Variants in PDE1C observed in about 807,000 individuals in gnomAD.
PDE1C encodes phosphodiesterase 1C.
In PDE1C, 62 loss-of-function variants were observed where a neutral mutation model predicts 93.1. The observed-to-expected ratio is 0.67, with a 90% CI of 0.54 to 0.82. PDE1C has a LOEUF of 0.82. PDE1C is among the 40% of genes least tolerant of loss of function. The pLI, the probability that PDE1C is intolerant of heterozygous loss-of-function variation, is 0.00. For missense variants in PDE1C, 742 were observed against 884.6 expected (o/e 0.84, Z 2.04); for synonymous variants, 325 against 310.1 (o/e 1.05, Z -0.50).
chr7:32,117,756 C>T (rs1018491660), intron 3 of PDE1C, among the ~76,000 whole-genome samples: 1 of 152,184 alleles, frequency 6.6e-6, no homozygotes, highest in Non-Finnish European at 1.5e-5. Flanking sequence ...AAATCTACTG[C>T]TCACTTTTCT....
intron 2 of PDE1C, among the ~76,000 whole-genome samples, chr7:31,920,323 C>T (rs1255874463): frequency 6.6e-6 from 1 of 152,088 alleles, no homozygotes; most frequent in Admixed American, 6.5e-5. Flanking sequence ...CTCTTTTTCC[C>T]CTCCCCCTAA....
chr7:32,373,952 G>T (rs755886750), intron 1 of PDE1C, among the ~76,000 whole-genome samples: 2 of 151,766 alleles, frequency 1.3e-5, no homozygotes, highest in African/African-American at 4.8e-5. Context: ...AGCCAAGATC[G>T]CGCCACTGCA....
At chr7:31,964,322 C>T (rs918890167) in intron 2 of PDE1C, among the ~76,000 whole-genome samples, 1 of 152,220 alleles carries the variant, frequency 6.6e-6, no homozygotes, top group East Asian at 1.9e-4. Context: ...CCACACCTGG[C>T]TTGGAGGGTC....
chr7:32,239,928 G>A (rs571506030), intron 1 of PDE1C, among the ~76,000 whole-genome samples: 2 of 152,342 alleles, frequency 1.3e-5, no homozygotes, highest in South Asian at 2.1e-4. Context: ...TTAAGAGCCA[G>A]CATGCAATTC....
At chr7:31,872,468 T>C (rs1159031042) in intron 6 of PDE1C, among the ~76,000 whole-genome samples, 3 of 152,140 alleles carry the variant, frequency 2.0e-5, no homozygotes, top group Non-Finnish European at 2.9e-5. Flanking sequence ...ACATAGTCTA[T>C]GCGTGTAACA....
Position 32,366,434 on chromosome 7 carries a change from G to A in PDE1C, c.310+61388C>T, listed in dbSNP as rs117030147. Among the ~76,000 whole-genome samples the A allele has an allele frequency of 4.5e-3, 681 of 152,144 alleles. 2 individuals carry two copies. Among genetic ancestry groups the A allele is most frequent in the Non-Finnish European group, 7.6e-3 (515 of 68,008 alleles). On this transcript the variant is annotated intron_variant, in intron 1 of 1. Coordinates refer to the PDE1C transcript ENST00000672256. ...TACGAGATTTATGGAACACAATTAA[G>A]TGAACAAATATTCACATTATACATA...
At chr7:31,639,531 T>TG in the PDE1C span, among the ~76,000 whole-genome samples, 26 of 23,916 alleles carry the variant, frequency 1.1e-3, no homozygotes, top group South Asian at 0.024. Context: ...TTTGTTTGTT[T>TG]GTTTTTGTTT....
chr7:31,738,943 G>A, the PDE1C span, among the ~76,000 whole-genome samples: 15 of 152,074 alleles, frequency 9.9e-5, no homozygotes, highest in Admixed American at 5.2e-4. Context: ...GCTCAGGACG[G>A]GTTTGTTCTC....
intron 1 of PDE1C, among the ~76,000 whole-genome samples, chr7:32,407,645 C>T (rs138328376): frequency 6.7e-4 from 102 of 152,276 alleles, no homozygotes; most frequent in African/African-American, 2.4e-3. Context: ...GATCCTACTA[C>T]GTACATTTCT....
At chr7:32,110,610 T>C (rs991980235) in intron 3 of PDE1C, among the ~76,000 whole-genome samples, 1 of 152,190 alleles carries the variant, frequency 6.6e-6, no homozygotes, top group Non-Finnish European at 1.5e-5. Flanking sequence ...TTTCAGAGAC[T>C]TCCCTCTGAT....
intron 2 of PDE1C, among the ~76,000 whole-genome samples, chr7:32,187,111 T>C (rs1431230384): frequency 6.6e-6 from 1 of 152,160 alleles, no homozygotes; most frequent in Non-Finnish European, 1.5e-5. Flanking sequence ...GAAACTATTA[T>C]AATTTTCTTT....
chr7:31,774,537 T>C (rs551963935), intron 17 of PDE1C, among the ~76,000 whole-genome samples: 1 of 152,310 alleles, frequency 6.6e-6, no homozygotes, highest in African/African-American at 2.4e-5. Context: ...GTGGAATCTA[T>C]GGTAAATCCG....
chr7:32,311,886 T>C, intron 1 of PDE1C, among the ~76,000 whole-genome samples: 1 of 152,128 alleles, frequency 6.6e-6, no homozygotes, highest in Admixed American at 6.6e-5. Flanking sequence ...TTCAACATAG[T>C]GTTGGAAGTT....
At chr7:31,632,184 C>T in the PDE1C span, among the ~76,000 whole-genome samples, 1 of 152,174 alleles carries the variant, frequency 6.6e-6, no homozygotes, top group Non-Finnish European at 1.5e-5. Flanking sequence ...CGTGGTGGCT[C>T]ACACCTGTAA....
At chr7:31,814,914 T>C (rs1788037058) in intron 15 of PDE1C, among the ~76,000 whole-genome samples, 1 of 151,744 alleles carries the variant, frequency 6.6e-6, no homozygotes, top group Non-Finnish European at 1.5e-5. Context: ...GACTGCTAAA[T>C]TACCTTGCTA....
chr7:31,839,957 A>C (rs533421823), intron 9 of PDE1C, among the ~76,000 whole-genome samples: 14 of 152,152 alleles, frequency 9.2e-5, no homozygotes, highest in Non-Finnish European at 2.1e-4. Flanking sequence ...GAATTGCTTG[A>C]ACCTAGGAGG....
At chr7:31,943,893 T>C (rs1806198069) in intron 2 of PDE1C, among the ~76,000 whole-genome samples, 1 of 152,166 alleles carries the variant, frequency 6.6e-6, no homozygotes, top group African/African-American at 2.4e-5. Context: ...AACATATTAA[T>C]AGCTAGATGT....
chr7:32,143,297 A>C (rs779514750), intron 3 of PDE1C, among the ~76,000 whole-genome samples: 12 of 150,546 alleles, frequency 8.0e-5, no homozygotes, highest in Non-Finnish European at 1.5e-4. Flanking sequence ...GAACTATAAG[A>C]TCATTCTGAT....
chr7:32,238,230 C>A (rs1487342099), intron 1 of PDE1C, among the ~76,000 whole-genome samples: 1 of 152,168 alleles, frequency 6.6e-6, no homozygotes, highest in African/African-American at 2.4e-5. Context: ...TATAACTTTT[C>A]AAATGACATC....
Sources: gnomAD v4.1 joint callset for allele counts (sites outside exome capture counted in the v4.1 genomes callset) on GRCh38, gnomAD v4.1.1 for gene constraint, MANE v1.5 for transcripts, NCBI Gene and HGNC (gene_info 2026-07-23, HGNC 2026-07-21) for gene names.